Variants in PCDH15 observed in about 807,000 individuals in gnomAD.
PCDH15 encodes the protein protocadherin-15.
Under a neutral mutation model 178.5 loss-of-function variants are expected in PCDH15, and 129 were observed. That is an observed-to-expected ratio of 0.72 (90% CI 0.63 to 0.84). The LOEUF is 0.84. PCDH15 is among the 40% of genes least tolerant of loss of function. The pLI, the probability that PCDH15 is intolerant of heterozygous loss-of-function variation, is 0.00. For synonymous variants in PCDH15, 800 were observed against 732.0 expected, an observed-to-expected ratio of 1.09 and a Z score of -1.50; for missense variants, 2,230 against 2,099.9, an observed-to-expected ratio of 1.06 and a Z score of -1.21.
At chr10:54,531,854 A>G (rs1033362846) in intron 2 of PCDH15, among the ~76,000 whole-genome samples, 3 of 152,104 alleles carry the variant, frequency 2.0e-5, no homozygotes, top group Admixed American at 6.6e-5. Flanking sequence ...ATCGCATCCC[A>G]GTTGCTATCA....
At chr10:55,063,002 A>G (rs1188151213) in intron 2 of PCDH15, among the ~76,000 whole-genome samples, 1 of 152,158 alleles carries the variant, frequency 6.6e-6, no homozygotes, top group Non-Finnish European at 1.5e-5. Context: ...TGAAATACAT[A>G]TCATTTTGAA....
chr10:55,156,412 T>C (rs181182495), intron 2 of PCDH15, among the ~76,000 whole-genome samples: 2 of 152,138 alleles, frequency 1.3e-5, no homozygotes, highest in Non-Finnish European at 2.9e-5. Context: ...AAGGCGGCCT[T>C]CTTCTAGGTT....
chr10:54,554,760 G>A (rs2086986384), intron 2 of PCDH15, among the ~76,000 whole-genome samples: 1 of 152,124 alleles, frequency 6.6e-6, no homozygotes, highest in Admixed American at 6.5e-5. Context: ...CAAAATTAGG[G>A]AATGTAAAAT....
chr10:54,946,136 T>C (rs1310332211), intron 2 of PCDH15, among the ~76,000 whole-genome samples: 1 of 151,844 alleles, frequency 6.6e-6, no homozygotes, highest in Non-Finnish European at 1.5e-5. Flanking sequence ...ATCTGTTGTA[T>C]AATTTTAATG....
intron 21 of PCDH15, among the ~76,000 whole-genome samples, chr10:53,976,655 C>T (rs1164883771): frequency 6.6e-6 from 1 of 151,964 alleles, no homozygotes; most frequent in Admixed American, 6.6e-5. Context: ...GGTTTTGCAG[C>T]CTGTCTCTGT....
intron 1 of PCDH15, among the ~76,000 whole-genome samples, chr10:54,797,117 A>G (rs1952111740): frequency 6.6e-6 from 1 of 152,004 alleles, no homozygotes; most frequent in Admixed American, 6.6e-5. Flanking sequence ...TTCTATCGGA[A>G]GTTTGCCCTT....
chr10:53,866,581 A>G, intron 27 of PCDH15, 61 bp downstream of exon 27: 2 of 1,272,080 alleles, frequency 1.6e-6, no homozygotes, highest in Admixed American at 1.7e-5. Flanking sequence ...TATAAACTGA[A>G]AACACTGACC....
At chr10:53,839,598 T>C (rs556763276) in intron 29 of PCDH15, among the ~76,000 whole-genome samples, 10 of 152,240 alleles carry the variant, frequency 6.6e-5, no homozygotes, top group Admixed American at 5.9e-4. Context: ...CTAAAAATGT[T>C]TCATTGAGAT....
At chr10:53,988,446 G>A (rs4935480) in intron 21 of PCDH15, among the ~76,000 whole-genome samples, 49,224 of 151,984 alleles carry the variant, frequency 0.32, 9,873 homozygotes, top group East Asian at 0.62. Context: ...TGTCCTAAAA[G>A]TGACCTCAGG....
chr10:55,050,595 G>C (rs1004713411), intron 2 of PCDH15, among the ~76,000 whole-genome samples: 1 of 152,024 alleles, frequency 6.6e-6, no homozygotes, highest in Non-Finnish European at 1.5e-5. Flanking sequence ...GCAAAACGCT[G>C]TCCTATGAGC....
At chr10:54,367,915 G>A (rs569458800) in intron 5 of PCDH15, among the ~76,000 whole-genome samples, 5 of 151,578 alleles carry the variant, frequency 3.3e-5, no homozygotes, top group African/African-American at 1.2e-4. Flanking sequence ...AATAAAGTTA[G>A]CACTCAACCG....
At chr10:54,717,285 C>A (rs1454370720) in intron 1 of PCDH15, among the ~76,000 whole-genome samples, 1 of 119,954 alleles carries the variant, frequency 8.3e-6, no homozygotes, top group African/African-American at 3.3e-5. Context: ...TAAAGAGCTT[C>A]TGCACAGCAA....
chr10:54,578,348 C>A (rs1276357079), intron 2 of PCDH15, among the ~76,000 whole-genome samples: 1 of 151,928 alleles, frequency 6.6e-6, no homozygotes, highest in African/African-American at 2.4e-5. Context: ...AGAAAATGCT[C>A]ATTATAACAT....
intron 2 of PCDH15, among the ~76,000 whole-genome samples, chr10:55,331,805 G>T (rs766047482): frequency 6.6e-6 from 1 of 152,098 alleles, no homozygotes; most frequent in Admixed American, 6.6e-5. Flanking sequence ...CATTATTAAC[G>T]GGTAACAGGA....
chr10:54,602,032 ACTTTG>A (rs938137233), intron 2 of PCDH15, among the ~76,000 whole-genome samples: 1 of 151,890 alleles, frequency 6.6e-6, no homozygotes, highest in African/African-American at 2.4e-5. Context: ...GTTATTAGCT[ACTTTG>A]CTTAGTACAC....
chr10:55,133,470 C>A (rs1591928932), intron 2 of PCDH15, among the ~76,000 whole-genome samples: 1 of 151,990 alleles, frequency 6.6e-6, no homozygotes, highest in South Asian at 2.1e-4. Context: ...GTTACTCTTC[C>A]TTTTTTTATT....
At chr10:54,455,923 G>A (rs2076788729) in intron 3 of PCDH15, among the ~76,000 whole-genome samples, 1 of 152,140 alleles carries the variant, frequency 6.6e-6, no homozygotes, top group African/African-American at 2.4e-5. Context: ...CCCAAGCCTT[G>A]GCAGCTTACA....
chr10:54,046,045 A>G (rs1471980037), intron 18 of PCDH15, among the ~76,000 whole-genome samples: 1 of 152,166 alleles, frequency 6.6e-6, no homozygotes, highest in Non-Finnish European at 1.5e-5. Flanking sequence ...TCAAATAGGC[A>G]TTTCGGAAAA....
At chr10:55,142,899 T>C (rs2589455) in intron 2 of PCDH15, among the ~76,000 whole-genome samples, 137,057 of 151,934 alleles carry the variant, frequency 0.9, 62,511 homozygotes, top group Non-Finnish European at 0.97. Flanking sequence ...GTGAGTGATA[T>C]GATTTGGCTC....
Sources: allele counts gnomAD v4.1 joint callset (sites outside exome capture counted in the v4.1 genomes callset), GRCh38; gene constraint gnomAD v4.1.1; transcripts MANE v1.5; gene names NCBI Gene and HGNC (gene_info 2026-07-23, HGNC 2026-07-21).